Variants in PRAG1 observed in about 807,000 individuals in gnomAD.
The protein encoded by PRAG1 is PEAK1 related, kinase-activating pseudokinase 1, also known as inactive tyrosine-protein kinase PRAG1.
In PRAG1, 110 loss-of-function variants were observed where a neutral mutation model predicts 95.6. The observed-to-expected ratio is 1.15, with a 90% CI of 0.99 to 1.35. The LOEUF (loss-of-function observed/expected upper bound fraction) is 1.35, where lower values mean the gene tolerates loss of function less well. Ranked by LOEUF, PRAG1 falls within the 40% of genes most tolerant of loss-of-function variation. The probability of loss-of-function intolerance (pLI) is 0.00; values close to 1 mark genes in which losing one functional copy is unlikely to be tolerated. For missense variants in PRAG1, 2,554 were observed against 1,864.7 expected (o/e 1.37, Z -6.81); for synonymous variants, 1,052 against 819.4 (o/e 1.28, Z -4.85).
Position 8,318,799 on chromosome 8 carries a change from G to C in PRAG1, c.3576C>G (p.Leu1192=), listed in dbSNP as rs1225512334. 2.0e-6 allele frequency: 3 copies of C among 1,498,726 alleles called. No homozygotes were observed. Among genetic ancestry groups the C allele is most frequent in the Non-Finnish European group, 2.7e-6 (3 of 1,122,300 alleles). The allele number at this position is 1,498,726 out of a possible 1,614,324, so 92.8% of individuals were successfully genotyped here. A position where few individuals can be genotyped will look rare whatever the true frequency, so the allele number is the denominator to read the frequency against. ...GGGAGGCGGGGCCGGCTGCGGGGCT[G>C]AGAGTGCCACCAGCAGGCGGGGCGG... The part of the protein sequence containing the change: ...SSAAPPAGGT[L]SPAAGPASPE... The change falls in exon 6 of 6, where the codon CTC becomes CTG. Residue 1192 remains leucine, a synonymous_variant. Coordinates refer to ENST00000615670, the MANE Select transcript of PRAG1 (RefSeq NM_001080826.3). The surrounding 1 kb of genome is among the most constrained non-coding windows in gnomAD (Gnocchi z 4.2).
At chr8:8,352,207 C>G (rs1389743223) in intron 3 of PRAG1, among the ~76,000 whole-genome samples, 3 of 152,194 alleles carry the variant, frequency 2.0e-5, no homozygotes, top group African/African-American at 7.2e-5. Context: ...CACGCTGGGG[C>G]AGCCTTTTGC....
At position 8,319,188 on chromosome 8, in the gene PRAG1, G is replaced by T. The variant is rs1426803156; in HGVS notation, c.3187C>A (p.Leu1063Ile). ...TCCTTGGGCGCGTCGGGGGAGCTGA[G>T]CATGCTGGACGGCACCGAGGCGACG... Reference protein sequence around the residue: ...HFVASVPSSMLSSPDAPKDPV... With the variant: ...HFVASVPSSMISSPDAPKDPV... The change falls in exon 6 of 6, where the codon CTC (leucine) becomes ATC (isoleucine). Residue 1063 changes from leucine to isoleucine, a missense_variant. Leu to Ile is a conservative substitution (Grantham distance 5). Coordinates refer to ENST00000615670, the MANE Select transcript of PRAG1 (RefSeq NM_001080826.3). 1 of 1,602,278 alleles carries T rather than the reference G, an allele frequency of 6.2e-7. No individual in the cohort carries two copies. Among genetic ancestry groups the T allele is most frequent in the South Asian group, 1.1e-5 (1 of 89,960 alleles).
chr8:8,352,221 A>G lies in PRAG1; in HGVS notation c.2163-12586T>C, dbSNP rs554574621. On this transcript the variant is annotated intron_variant, in intron 3 of 5. Coordinates refer to ENST00000615670, the MANE Select transcript of PRAG1 (RefSeq NM_001080826.3). The stretch of plus-strand genomic sequence containing the variant: ...TCACGCTGGGGCAGCCTTTTGCCCA[A>G]TAAGGAGCAGACACCATCACAGGTT... Among the ~76,000 whole-genome samples the G allele has an allele frequency of 7.9e-5, 12 of 152,298 alleles. No homozygotes were observed. The South Asian group carries it at 1.5e-3, about 18-fold the overall frequency.
chr8:8,331,333 G>A (rs1286234181), intron 4 of PRAG1, among the ~76,000 whole-genome samples: 1 of 152,068 alleles, frequency 6.6e-6, no homozygotes, highest in African/African-American at 2.4e-5. Context: ...TTCTGCTTCT[G>A]CTCCAATTTG....
Position 8,327,785 on chromosome 8 carries a change from G to A in PRAG1, c.2997C>T (p.Pro999=), listed in dbSNP as rs567209379. The A allele has an allele frequency of 6.2e-7, 1 of 1,614,226 alleles. No individual in the cohort carries two copies. Among genetic ancestry groups the A allele is most frequent in the African/African-American group, 1.3e-5 (1 of 75,058 alleles). Residue 999 remains proline, a synonymous_variant, in exon 5 of 6, where the codon CCC becomes CCT. Coordinates refer to ENST00000615670, the MANE Select transcript of PRAG1 (RefSeq NM_001080826.3). ...WSLFKLTCNK[P]CCDSGDAIYY... is the part of the protein sequence containing the mutation. Reference sequence around the variant, plus strand: ...AAATGGCATCCCCCGAGTCACAGCAGGGCTTGTTACAAGTCAGCTTGAAGA... The same window carrying A: ...AAATGGCATCCCCCGAGTCACAGCAAGGCTTGTTACAAGTCAGCTTGAAGA...
At chr8:8,378,228 C>G in intron 2 of PRAG1, 150 bp from the exon 3 acceptor site, 1 of 851,798 alleles carries the variant, frequency 1.2e-6, no homozygotes, top group Non-Finnish European at 1.7e-6. Context: ...TCAGTGCACG[C>G]CCACCTTCTC....
chr8:8,371,078 G>T (rs1800180933), intron 3 of PRAG1, among the ~76,000 whole-genome samples: 1 of 145,078 alleles, frequency 6.9e-6, no homozygotes, highest in African/African-American at 2.5e-5. Flanking sequence ...GGAGGTTGCA[G>T]TAAGGCAAGG....
rs1231729463 is a variant in PRAG1 at position 8,319,102 on chromosome 8, G to A, written c.3273C>T (p.Ile1091=). Reference sequence around the variant, plus strand: ...CGGTCTGATGTGGCACCTCTCGGGTGATGACCACCACGCAGTCCTGCTCCT... The same window carrying A: ...CGGTCTGATGTGGCACCTCTCGGGTAATGACCACCACGCAGTCCTGCTCCT... The part of the protein sequence containing the change: ...PAQEQDCVVV[I]TREVPHQTAS... Residue 1091 remains isoleucine (I), a synonymous_variant, in exon 6 of 6, where the codon ATC becomes ATT. Coordinates refer to ENST00000615670, the MANE Select transcript of PRAG1 (RefSeq NM_001080826.3). 6.2e-7 allele frequency: 1 copy of A among 1,609,670 alleles called. No homozygotes were observed. The highest frequency in any genetic ancestry group is 1.3e-5 in the African/African-American group (1 of 74,914).
At chr8:8,330,393 C>T (rs934428170) in intron 4 of PRAG1, among the ~76,000 whole-genome samples, 2 of 152,124 alleles carry the variant, frequency 1.3e-5, no homozygotes, top group Admixed American at 1.3e-4. Context: ...GAGGGAGCAC[C>T]GTGTTTCTTA....
chr8:8,320,522 G>A (rs1798439812), intron 5 of PRAG1, among the ~76,000 whole-genome samples: 1 of 152,124 alleles, frequency 6.6e-6, no homozygotes, highest in African/African-American at 2.4e-5. Flanking sequence ...CCTCTGTCAG[G>A]CCTCAATCTC....
Position 8,341,184 on chromosome 8 carries a change from A to G in PRAG1, c.2163-1549T>C, listed in dbSNP as rs1379454339. On this transcript the variant is annotated intron_variant, in intron 3 of 5. Transcript: ENST00000615670. ...AGTTTCTTGGTCTTCAGGCCCAGAA[A>G]ATCACTAAGGGAGAAACTACAGCAC... Among the ~76,000 whole-genome samples the G allele has an allele frequency of 2.0e-5, 3 of 152,194 alleles. No individual in the cohort carries two copies. In the East Asian group the frequency reaches 5.8e-4, roughly 29 times the overall value.
intron 4 of PRAG1, among the ~76,000 whole-genome samples, chr8:8,331,711 G>A (rs1363129764): frequency 2.6e-5 from 4 of 152,146 alleles, no homozygotes; most frequent in African/African-American, 9.7e-5. Context: ...TTCTGCTTTA[G>A]ACTGTATGGT....
chr8:8,371,429 T>A (rs1800200742), intron 3 of PRAG1, among the ~76,000 whole-genome samples: 1 of 151,832 alleles, frequency 6.6e-6, no homozygotes. Flanking sequence ...CCTGGCTAAT[T>A]TTTTGTATTT....
Position 8,376,685 on chromosome 8 carries a change from T to A in PRAG1, c.1724A>T (p.Asp575Val). The A allele has an allele frequency of 6.2e-7, 1 of 1,611,608 alleles. No individual in the cohort carries two copies. Among genetic ancestry groups the A allele is most frequent in the Non-Finnish European group, 8.5e-7 (1 of 1,179,842 alleles). Reference protein sequence around the residue: ...PPVSPLADLSDGSSGGSSIGP... With the variant: ...PPVSPLADLSVGSSGGSSIGP... ...AATGCTGCTGCCGCCAGAGCTCCCA[T>A]CACTAAGGTCAGCCAGCGGTGACAC... Residue 575 changes from aspartate to valine, a missense_variant, in exon 3 of 6, where the codon GAT becomes GTT. Physicochemically the swap from Asp to Val is radical, Grantham distance 152. Coordinates refer to ENST00000615670, the MANE Select transcript of PRAG1 (RefSeq NM_001080826.3).
Position 8,381,605 on chromosome 8 carries a change from T to A in PRAG1, c.143A>T (p.Gln48Leu). ...SDHQLVAGPP[Q>L]PRAGSLPPPP... ...AGGGGGCAGGCTGCCCGCTCTGGGCTGGGGAGGGCCGGCCACCAGCTGGTG... is the reference window on the plus strand; with the variant it reads ...AGGGGGCAGGCTGCCCGCTCTGGGCAGGGGAGGGCCGGCCACCAGCTGGTG... The change falls in exon 2 of 6, where the codon CAG becomes CTG. Residue 48 changes from glutamine to leucine, a missense_variant. By Grantham distance (113) the Gln-to-Leu change is moderately radical. Transcript: ENST00000615670. 6.2e-7 allele frequency: 1 copy of A among 1,613,936 alleles called. No individual in the cohort carries two copies. Among genetic ancestry groups the A allele is most frequent in the Non-Finnish European group, 8.5e-7 (1 of 1,179,902 alleles).
At chr8:8,359,478 C>A (rs993277039) in intron 3 of PRAG1, among the ~76,000 whole-genome samples, 2 of 152,158 alleles carry the variant, frequency 1.3e-5, no homozygotes, top group Non-Finnish European at 2.9e-5. Context: ...GCATTAGGTA[C>A]AACAGGATGA....
chr8:8,369,585 A>G (rs1032515108), intron 3 of PRAG1, among the ~76,000 whole-genome samples: 8 of 152,042 alleles, frequency 5.3e-5, no homozygotes, highest in Non-Finnish European at 1.0e-4. Context: ...TTTAACAAAC[A>G]TTTCTTGAAC....
chr8:8,377,368 G>A lies in PRAG1; in HGVS notation c.1041C>T (p.Ser347=), dbSNP rs918899341. The change falls in exon 3 of 6, where the codon AGC becomes AGT. Residue 347 remains serine, a synonymous_variant. Transcript: ENST00000615670. ...SSDGLSCGSG[S]GSGSGASSPF... is the part of the protein sequence containing the mutation. ...GGCTACTGGCGCCGCTGCCGCTGCC[G>A]CTGCCGCTGCCACAAGAGAGGCCGT... 33 of 1,592,098 alleles carry A rather than the reference G, an allele frequency of 2.1e-5. 1 individual carries two copies. Among genetic ancestry groups the A allele is most frequent in the Admixed American group, 5.3e-5 (3 of 56,674 alleles).
At position 8,357,928 on chromosome 8, in the gene PRAG1, C is replaced by T. The variant is rs1180838846; in HGVS notation, c.2163-18293G>A. On this transcript the variant is annotated intron_variant, in intron 3 of 5. Transcript: ENST00000615670. ...ATCTTGTTAGTTGTCCACCCCAACA[C>T]CATGCAAGCAATCAATTCTGCAGCA... is the stretch of plus-strand genomic sequence containing the variant. Among the ~76,000 whole-genome samples, 4 of 152,208 alleles carry T rather than the reference C, an allele frequency of 2.6e-5. No individual in the cohort carries two copies. In the East Asian group the frequency reaches 7.7e-4, roughly 29 times the overall value.
Sources: allele counts gnomAD v4.1 joint callset (sites outside exome capture counted in the v4.1 genomes callset), GRCh38; gene constraint gnomAD v4.1.1; non-coding constraint Gnocchi (gnomAD v3.1); transcripts MANE v1.5; gene names NCBI Gene and HGNC (gene_info 2026-07-23, HGNC 2026-07-21).